SLC4A7: variants seen among roughly 807,000 people sequenced by gnomAD.
The protein encoded by SLC4A7 is solute carrier family 4 member 7.
SLC4A7 carries 51 observed loss-of-function variants against 137.6 expected under a neutral mutation model. The observed-to-expected ratio is 0.37, with a 90% CI of 0.30 to 0.47. SLC4A7 has a LOEUF of 0.47. SLC4A7 is among the 20% of genes least tolerant of loss of function. The pLI, the probability that SLC4A7 is intolerant of heterozygous loss-of-function variation, is 1.00. For synonymous variants in SLC4A7, 542 were observed against 518.6 expected (o/e 1.05, Z -0.61); for missense variants, 1,247 against 1,525.4 (o/e 0.82, Z 3.04).
chr3:27,374,765 A>G lies in SLC4A7; in HGVS notation c.*1999T>C, dbSNP rs2049787692. ...TAAAATTTCTTCCTGTAAAGTAAGT[A>G]CAGTTGTTACCCCTGATGTCCAGAC... On this transcript the variant is annotated 3_prime_UTR_variant, in exon 26 of 26. Coordinates refer to ENST00000454389, the MANE Select transcript of SLC4A7 (RefSeq NM_001321103.2). 1 of 152,552 alleles carries G rather than the reference A, an allele frequency of 6.6e-6. No homozygotes were observed. Among genetic ancestry groups the G allele is most frequent in the South Asian group, 2.1e-4 (1 of 4,834 alleles). The allele number at this position is 152,552 out of a possible 1,614,324, so 9.4% of individuals were successfully genotyped here. A position where few individuals can be genotyped will look rare whatever the true frequency, so the allele number is the denominator to read the frequency against.
At chr3:27,436,225 T>C (rs2056731230) in intron 5 of SLC4A7, among the ~76,000 whole-genome samples, 163 bp downstream of exon 5, 1 of 152,248 alleles carries the variant, frequency 6.6e-6, no homozygotes, top group Admixed American at 6.5e-5. Context: ...TACACTTATG[T>C]CGGTTTAATT....
At chr3:27,417,873 T>C (rs1442031732) in intron 11 of SLC4A7, among the ~76,000 whole-genome samples, 1 of 152,218 alleles carries the variant, frequency 6.6e-6, no homozygotes, top group East Asian at 1.9e-4. Flanking sequence ...TGCAGGGAAA[T>C]AGGCCCTTTC....
At chr3:27,443,716 C>T (rs1329839603) in intron 3 of SLC4A7, among the ~76,000 whole-genome samples, 1 of 152,210 alleles carries the variant, frequency 6.6e-6, no homozygotes, top group African/African-American at 2.4e-5. Flanking sequence ...TCACTCTGCA[C>T]AGTACCATGC....
Position 27,435,919 on chromosome 3 carries a change from C to CTCCT in SLC4A7, c.589+465_589+468dup, listed in dbSNP as rs538169340. 8.5e-5 allele frequency among the ~76,000 whole-genome samples: 13 copies of CTCCT among 152,268 alleles called. No individual in the cohort carries two copies. In the South Asian group the frequency reaches 1.7e-3, roughly 19 times the overall value. On this transcript the variant is annotated intron_variant, in intron 5 of 25. Transcript: ENST00000454389. ...TCTCTAACTGGGTTTCCCAACATAC[C>CTCCT]TCCTAACACTACTGAAGAAATCTGT...
intron 18 of SLC4A7, among the ~76,000 whole-genome samples, chr3:27,395,495 C>A (rs773223519): frequency 2.8e-4 from 42 of 152,192 alleles, no homozygotes; most frequent in Non-Finnish European, 5.6e-4. Flanking sequence ...GAGATTATTA[C>A]GCTGTCGAGT....
At chr3:27,443,601 G>A (rs987402285) in intron 3 of SLC4A7, among the ~76,000 whole-genome samples, 5 of 151,676 alleles carry the variant, frequency 3.3e-5, no homozygotes, top group African/African-American at 1.2e-4. Flanking sequence ...AGAAGTTTAA[G>A]TCACTGATTT....
intron 7 of SLC4A7, chr3:27,424,414 G>GT (rs1280680809): frequency 3.7e-6 from 1 of 266,768 alleles, no homozygotes; most frequent in Non-Finnish European, 6.9e-6. Context: ...GAAATAAAAC[G>GT]TGAGTTGGTG....
rs2054618929 is a variant in SLC4A7, at chr3:27,418,517, C to T, written c.1628G>A (p.Arg543His). The change falls in exon 11 of 26, where the codon CGC becomes CAC. Residue 543 changes from arginine (R) to histidine (H), a missense_variant. Coordinates refer to ENST00000454389, the MANE Select transcript of SLC4A7 (RefSeq NM_001321103.2). ...AGGGACACTTTTTGGTGGTTCTATG[C>T]GTATAGAAGGATCCCACTCTCCTGG... ...LPPGEWDPSI[R>H]IEPPKSVPSQ... The T allele has an allele frequency of 1.2e-6, 2 of 1,610,040 alleles. No individual in the cohort carries two copies. Among genetic ancestry groups the T allele is most frequent in the Non-Finnish European group, 1.7e-6 (2 of 1,177,600 alleles).
chr3:27,422,151 C>T (rs2055046169), intron 8 of SLC4A7, among the ~76,000 whole-genome samples: 1 of 152,164 alleles, frequency 6.6e-6, no homozygotes, highest in Non-Finnish European at 1.5e-5. Flanking sequence ...TTTTATATTA[C>T]TTAACCTTAG....
rs549369122 is a variant in SLC4A7 at position 27,437,432 on chromosome 3, C to T, written c.384G>A (p.Leu128=). ...PHDLFTEMDE[L]CYRDGEEYEW... is the part of the protein sequence containing the mutation. Reference sequence around the variant, plus strand: ...CATATTCTTCTCCATCTCTGTAACACAGTTCATCCATTTCCGTGAAGAGAT... The same window carrying T: ...CATATTCTTCTCCATCTCTGTAACATAGTTCATCCATTTCCGTGAAGAGAT... The change falls in exon 4 of 26, where the codon CTG becomes CTA. Residue 128 remains leucine (L), a synonymous_variant. Transcript: ENST00000454389. The T allele has an allele frequency of 5.0e-6, 8 of 1,603,632 alleles. No homozygotes were observed. In the African/African-American group the frequency reaches 1.1e-4, roughly 22 times the overall value.
intron 22 of SLC4A7, among the ~76,000 whole-genome samples, chr3:27,387,565 C>A (rs2131913): frequency 0.92 from 140,728 of 152,236 alleles, 65,169 homozygotes; most frequent in East Asian, 1. Context: ...CAGAAAACTG[C>A]AAGTTTTATA....
chr3:27,461,150 T>C (rs543981814), intron 1 of SLC4A7, among the ~76,000 whole-genome samples: 57 of 151,966 alleles, frequency 3.8e-4, no homozygotes, highest in African/African-American at 1.4e-3. Flanking sequence ...AAAAACAAAA[T>C]TATCTTTATT....
Position 27,431,352 on chromosome 3 carries a change from C to T in SLC4A7, c.1096G>A (p.Ala366Thr). 1.2e-6 allele frequency: 2 copies of T among 1,612,520 alleles called. No homozygotes were observed. The highest frequency in any genetic ancestry group is 1.7e-6 in the Non-Finnish European group (2 of 1,179,214). The change falls in exon 7 of 26, where the codon GCA becomes ACA. Residue 366 changes from alanine (A) to threonine (T), a missense_variant. Coordinates refer to ENST00000454389, the MANE Select transcript of SLC4A7 (RefSeq NM_001321103.2). Reference sequence around the variant, plus strand: ...TTCTGCTCCTCGCCTTTCAGCGCTGCTTCTAAGTCTTCCTCAGGCGGATGA... The same window carrying T: ...TTCTGCTCCTCGCCTTTCAGCGCTGTTTCTAAGTCTTCCTCAGGCGGATGA... ...VIHPPEEDLE[A>T]ALKGEEQKNE...
chr3:27,391,826 A>G lies in SLC4A7; in HGVS notation c.3118-18T>C. The stretch of plus-strand genomic sequence containing the variant: ...GGAATAAACTGTAAATAAAATGAAC[A>G]CAATTAGAACTCATGAGTAGTAAGT... On this transcript the variant is annotated intron_variant, in intron 20 of 25. Transcript: ENST00000454389. The G allele has an allele frequency of 5.5e-6, 8 of 1,451,652 alleles. No homozygotes were observed. The highest frequency in any genetic ancestry group is 7.7e-6 in the Non-Finnish European group (8 of 1,044,996). The allele number at this position is 1,451,652 out of a possible 1,614,324, so 89.9% of individuals were successfully genotyped here. A position where few individuals can be genotyped will look rare whatever the true frequency, so the allele number is the denominator to read the frequency against.
intron 1 of SLC4A7, among the ~76,000 whole-genome samples, chr3:27,482,360 C>G (rs1210623917): frequency 6.6e-6 from 1 of 152,164 alleles, no homozygotes; most frequent in Non-Finnish European, 1.5e-5. Context: ...TCCGTGAAAA[C>G]TCGAATGCAC....
chr3:27,412,619 C>T (rs935565622), intron 11 of SLC4A7, among the ~76,000 whole-genome samples: 12 of 152,100 alleles, frequency 7.9e-5, no homozygotes, highest in Non-Finnish European at 1.8e-4. Flanking sequence ...TTCAAACTTA[C>T]ATCTTAAAGA....
intron 25 of SLC4A7, among the ~76,000 whole-genome samples, chr3:27,377,904 T>C (rs187785266): frequency 2.0e-5 from 3 of 152,330 alleles, no homozygotes; most frequent in Admixed American, 6.5e-5. Context: ...CAAGATATTC[T>C]CTTTCTTCCT....
chr3:27,463,324 G>C (rs1210387604), intron 1 of SLC4A7, among the ~76,000 whole-genome samples: 2 of 152,128 alleles, frequency 1.3e-5, no homozygotes, highest in Non-Finnish European at 2.9e-5. Flanking sequence ...CAGCTACTCA[G>C]GAAGCTGGGG....
Position 27,375,212 on chromosome 3 carries a change from A to G in SLC4A7, c.*1552T>C, listed in dbSNP as rs369703275. 6.6e-6 allele frequency: 1 copy of G among 152,032 alleles called. No individual in the cohort carries two copies. Among genetic ancestry groups the G allele is most frequent in the African/African-American group, 2.4e-5 (1 of 41,442 alleles). The allele number at this position is 152,032 out of a possible 1,614,324, so 9.4% of individuals were successfully genotyped here. A position where few individuals can be genotyped will look rare whatever the true frequency, so the allele number is the denominator to read the frequency against. ...TTCCTCATGATCCTTTATTAGATTA[A>G]TTATGTATACCTTTGTAATTTAATT... is the stretch of plus-strand genomic sequence containing the variant. On this transcript the variant is annotated 3_prime_UTR_variant, in exon 26 of 26. Coordinates refer to ENST00000454389, the MANE Select transcript of SLC4A7 (RefSeq NM_001321103.2).
Sources: gnomAD v4.1 joint callset for allele counts (sites outside exome capture counted in the v4.1 genomes callset) on GRCh38, gnomAD v4.1.1 for gene constraint, MANE v1.5 for transcripts, NCBI Gene and HGNC (gene_info 2026-07-23, HGNC 2026-07-21) for gene names.